The following DOCK11 variants were observed in gnomAD, a reference collection of about 807,000 sequenced individuals.
DOCK11 encodes dedicator of cytokinesis 11.
In DOCK11, 70 loss-of-function variants were observed where a neutral mutation model predicts 169.1. The ratio of observed to expected loss-of-function variants is 0.41; its 90% CI spans 0.34 to 0.51. The LOEUF (loss-of-function observed/expected upper bound fraction) is 0.51, where lower values mean the gene tolerates loss of function less well. Among genes scored for constraint, DOCK11 ranks in the 20% least tolerant of loss-of-function variants. The pLI, the probability that DOCK11 is intolerant of heterozygous loss-of-function variation, is 0.10. For synonymous variants in DOCK11, 529 were observed against 541.3 expected (o/e 0.98, Z 0.32); for missense variants, 1,166 against 1,538.8 (o/e 0.76, Z 4.05).
chrX:118,607,566 C>T (rs939208379), intron 24 of DOCK11, among the ~76,000 whole-genome samples: 3 of 108,793 alleles, frequency 2.8e-5, no homozygotes, highest in Non-Finnish European at 5.7e-5. Flanking sequence ...GGACTACAGG[C>T]CCCCGCCACC....
At chrX:118,677,385 T>C in intron 48 of DOCK11, among the ~76,000 whole-genome samples, 2 of 112,250 alleles carry the variant, frequency 1.8e-5, no homozygotes, top group Admixed American at 1.9e-4. Context: ...CATAGTTCCC[T>C]ATAGACAGGA....
rs774657200 is a variant in DOCK11 at position 118,531,707 on chromosome X, G to A, written c.103-11018G>A. On this transcript the variant is annotated intron_variant, in intron 1 of 52. Transcript: ENST00000276202. ...CGAGTAGCTGGGATTACAGGCGCCC[G>A]CCACCACATCTGGCTAACTTTTTGT... 1.2e-4 allele frequency among the ~76,000 whole-genome samples: 13 copies of A among 109,087 alleles called. No homozygotes were observed. In the South Asian group the frequency reaches 4.0e-3, roughly 33 times the overall value. The allele number at this position is 109,087 out of a possible 115,157, so 94.7% of individuals were successfully genotyped here.
chrX:118,606,081 A>ATTTT (rs952643747), intron 24 of DOCK11, among the ~76,000 whole-genome samples: 3,687 of 70,985 alleles, frequency 0.052, 130 homozygotes, highest in Non-Finnish European at 0.073. Flanking sequence ...GAGGAACAGA[A>ATTTT]TTTTTTTTTT....
chrX:118,600,898 G>C (rs934251766), intron 23 of DOCK11, among the ~76,000 whole-genome samples: 2 of 111,028 alleles, frequency 1.8e-5, no homozygotes, highest in African/African-American at 3.3e-5. Flanking sequence ...ACATTACCTT[G>C]GGGAGGTTGC....
intron 27 of DOCK11, among the ~76,000 whole-genome samples, chrX:118,609,932 A>G (rs1345881452): frequency 8.9e-6 from 1 of 112,422 alleles, no homozygotes; most frequent in Non-Finnish European, 1.9e-5. Flanking sequence ...GAATATGTTT[A>G]CTGAAATTGA....
intron 45 of DOCK11, among the ~76,000 whole-genome samples, chrX:118,669,988 A>G (rs2016428477): frequency 9.0e-6 from 1 of 110,883 alleles, no homozygotes; most frequent in Admixed American, 9.6e-5. Flanking sequence ...GGCCCACCCT[A>G]CTCCAGTATT....
Position 118,574,023 on chromosome X carries a change from C to T in DOCK11, c.1389+5C>T, listed in dbSNP as rs781235914. On this transcript the variant is annotated splice_donor_5th_base_variant and intron_variant, in intron 12 of 52. Transcript: ENST00000276202. ...CAGTTACGCTACATACAACAGGTAA[C>T]GAATGACCTTTAGTCTTAGCAGCGT... 2.5e-6 allele frequency: 3 copies of T among 1,202,114 alleles called. No individual in the cohort carries two copies. The highest frequency in any genetic ancestry group is 3.4e-6 in the Non-Finnish European group (3 of 887,279).
chrX:118,536,878 T>A (rs1441890529), intron 1 of DOCK11, among the ~76,000 whole-genome samples: 3 of 111,603 alleles, frequency 2.7e-5, no homozygotes, highest in Non-Finnish European at 5.6e-5. Flanking sequence ...ATGCCCCCAG[T>A]GGCCATTTTG....
intron 19 of DOCK11, among the ~76,000 whole-genome samples, chrX:118,591,987 A>G (rs2014013993): frequency 9.3e-6 from 1 of 107,475 alleles, no homozygotes; most frequent in African/African-American, 3.4e-5. Context: ...GATGCATAGT[A>G]TTCCATGGTG....
At position 118,552,877 on chromosome X, in the gene DOCK11, C is replaced by CT. The variant is rs1332951204; in HGVS notation, c.558+6771dup. 1.7e-3 allele frequency among the ~76,000 whole-genome samples: 184 copies of CT among 106,954 alleles called. 1 individual carries two copies. Among genetic ancestry groups the CT allele is most frequent in the African/African-American group, 3.7e-3 (110 of 29,560 alleles). The allele number at this position is 106,954 out of a possible 115,157, so 92.9% of individuals were successfully genotyped here. On this transcript the variant is annotated intron_variant, in intron 6 of 52. Transcript: ENST00000276202. ...TGAGCACAAAGCGAGACCTCATCCC[C>CT]TTTTTTTTTTCAAAAAGAAAACCCC... is the stretch of plus-strand genomic sequence containing the variant.
At chrX:118,668,655 T>C (rs1278003277) in intron 45 of DOCK11, among the ~76,000 whole-genome samples, 1 of 111,895 alleles carries the variant, frequency 8.9e-6, no homozygotes, top group African/African-American at 3.3e-5. Context: ...AATCACAGCC[T>C]ATTGGAAAAG....
chrX:118,647,846 TTATAA>T (rs1203169485), intron 40 of DOCK11, among the ~76,000 whole-genome samples: 2 of 53,784 alleles, frequency 3.7e-5, no homozygotes, highest in Non-Finnish European at 5.9e-5. Flanking sequence ...TTAATATATA[TTATAA>T]TATAATATTT....
intron 21 of DOCK11, 34 bp from the exon 22 acceptor site, chrX:118,597,996 A>T (rs777923421): frequency 9.5e-7 from 1 of 1,057,033 alleles, no homozygotes; most frequent in Non-Finnish European, 1.3e-6. Context: ...TCTATCCATT[A>T]TTATGTTATA....
Position 118,676,754 on chromosome X carries a change from A to G in DOCK11, c.5460+17A>G. 1 of 1,176,072 alleles carries G rather than the reference A, an allele frequency of 8.5e-7. No homozygotes were observed. Among genetic ancestry groups the G allele is most frequent in the Non-Finnish European group, 1.1e-6 (1 of 873,716 alleles). On this transcript the variant is annotated intron_variant, in intron 48 of 52. Transcript: ENST00000276202. The stretch of plus-strand genomic sequence containing the variant: ...TCAGACAAGGTAACACATACCCTAC[A>G]TGTTGAAATCATTATTTGTTAGTTC...
At chrX:118,575,627 CT>C (rs2013420712) in intron 12 of DOCK11, among the ~76,000 whole-genome samples, 1 of 112,006 alleles carries the variant, frequency 8.9e-6, no homozygotes, top group South Asian at 3.7e-4. Context: ...CCCTTATCCC[CT>C]GATAGCCCCT....
At chrX:118,533,297 T>A (rs1002652822) in intron 1 of DOCK11, among the ~76,000 whole-genome samples, 17 of 112,128 alleles carry the variant, frequency 1.5e-4, no homozygotes, top group African/African-American at 5.5e-4. Flanking sequence ...TGGCCTTACA[T>A]AGCTTTTAGA....
At chrX:118,683,351 T>C in intron 52 of DOCK11, 134 bp downstream of exon 52, 3 of 687,855 alleles carry the variant, frequency 4.4e-6, no homozygotes, top group Non-Finnish European at 6.2e-6. Flanking sequence ...TCATATTATC[T>C]TTAATCATTT....
intron 1 of DOCK11, among the ~76,000 whole-genome samples, chrX:118,527,025 T>C (rs900688199): frequency 8.9e-6 from 1 of 112,190 alleles, no homozygotes; most frequent in Admixed American, 9.4e-5. Flanking sequence ...GGCCACATAA[T>C]CACTCCCTAA....
intron 40 of DOCK11, among the ~76,000 whole-genome samples, chrX:118,646,462 T>G (rs1456260349): frequency 9.0e-6 from 1 of 111,066 alleles, no homozygotes; most frequent in Non-Finnish European, 1.9e-5. Context: ...GGAAGAAAGG[T>G]AAGAAAGAAG....
Sources: allele counts gnomAD v4.1 joint callset (sites outside exome capture counted in the v4.1 genomes callset), GRCh38; gene constraint gnomAD v4.1.1; transcripts MANE v1.5; gene names NCBI Gene and HGNC (gene_info 2026-07-23, HGNC 2026-07-21).